Variants in CFTR observed in about 807,000 individuals in gnomAD.
The protein encoded by CFTR is cystic fibrosis transmembrane conductance regulator.
CFTR carries 181 observed loss-of-function variants against 171.6 expected under a neutral mutation model. That is an observed-to-expected ratio of 1.05 (90% CI 0.93 to 1.19). The LOEUF (loss-of-function observed/expected upper bound fraction) is 1.19, where lower values mean the gene tolerates loss of function less well. Among genes scored for constraint, CFTR ranks in the 50% most tolerant of loss-of-function variants. The pLI, the probability that CFTR is intolerant of heterozygous loss-of-function variation, is 0.00. For synonymous variants in CFTR, 583 were observed against 608.0 expected (o/e 0.96, Z 0.60); for missense variants, 1,968 against 1,734.7 (o/e 1.13, Z -2.39).
At chr7:117,627,823 C>A in intron 22 of CFTR, 53 bp downstream of exon 22, 1 of 1,579,664 alleles carries the variant, frequency 6.3e-7, no homozygotes, top group East Asian at 2.2e-5. Context: ...AAGTGAATCC[C>A]AGTAGCCTGA....
chr7:117,576,473 C>A (rs979534114), intron 11 of CFTR, among the ~76,000 whole-genome samples: 1 of 152,060 alleles, frequency 6.6e-6, no homozygotes, highest in Non-Finnish European at 1.5e-5. Context: ...ATATAAGGGT[C>A]TTGAGCATTC....
At chr7:117,500,105 A>T (rs2116629255) in intron 1 of CFTR, among the ~76,000 whole-genome samples, 1 of 152,224 alleles carries the variant, frequency 6.6e-6, no homozygotes, top group South Asian at 2.1e-4. Flanking sequence ...GCATTTAAAC[A>T]TTCTAGGTTT....
intron 3 of CFTR, among the ~76,000 whole-genome samples, chr7:117,515,465 T>C (rs1340277695): frequency 6.6e-6 from 1 of 152,162 alleles, no homozygotes. Flanking sequence ...TGGTTGTAGA[T>C]GTGTGGTGTT....
At chr7:117,611,902 CT>C in intron 20 of CFTR, 94 bp downstream of exon 20, 1 of 804,910 alleles carries the variant, frequency 1.2e-6, no homozygotes, top group Non-Finnish European at 2.0e-6. Flanking sequence ...TTTTTGATAT[CT>C]TTAGAGTTTA....
intron 1 of CFTR, among the ~76,000 whole-genome samples, chr7:117,499,429 CTGTGTG>C (rs56985019): frequency 1.5e-4 from 20 of 135,924 alleles, no homozygotes; most frequent in Admixed American, 8.4e-4. Context: ...ATAGTTTCAT[CTGTGTG>C]TGTGTGTGTG....
chr7:117,642,467 G>C lies in CFTR; in HGVS notation c.3747G>C (p.Gly1249=), dbSNP rs794727373. ...GCCTCTTGGGAAGAACTGGATCAGGGAAGAGTACTTTGTTATCAGCTTTTT... is the reference window on the plus strand; with the variant it reads ...GCCTCTTGGGAAGAACTGGATCAGGCAAGAGTACTTTGTTATCAGCTTTTT... ...RVGLLGRTGS[G]KSTLLSAFLR... is the part of the protein sequence containing the mutation. Residue 1249 remains glycine (G), a synonymous_variant, in exon 23 of 27, where the codon GGG becomes GGC. Coordinates refer to ENST00000003084, the MANE Select transcript of CFTR (RefSeq NM_000492.4). 6.2e-7 allele frequency: 1 copy of C among 1,613,550 alleles called. No homozygotes were observed. The highest frequency in any genetic ancestry group is 8.5e-7 in the Non-Finnish European group (1 of 1,179,698).
intron 1 of CFTR, among the ~76,000 whole-genome samples, chr7:117,483,778 T>G (rs907443026): frequency 6.6e-6 from 1 of 152,100 alleles, no homozygotes; most frequent in Non-Finnish European, 1.5e-5. Context: ...CTCACTATGT[T>G]GCCCAGGCTG....
rs2116222791 is a variant in CFTR, at chr7:117,665,516, T to C, written c.4194T>C (p.Ile1398=). The change falls in exon 26 of 27, where the codon ATT becomes ATC. Residue 1398 remains isoleucine, a synonymous_variant. Coordinates refer to ENST00000003084, the MANE Select transcript of CFTR (RefSeq NM_000492.4). Reference sequence around the variant, plus strand: ...AAGCATTTGCTGATTGCACAGTAATTCTCTGTGAACACAGGATAGAAGCAA... The same window carrying C: ...AAGCATTTGCTGATTGCACAGTAATCCTCTGTGAACACAGGATAGAAGCAA... The part of the protein sequence containing the change: ...LKQAFADCTV[I]LCEHRIEAML... 1 of 1,613,474 alleles carries C rather than the reference T, an allele frequency of 6.2e-7. No homozygotes were observed. Among genetic ancestry groups the C allele is most frequent in the Non-Finnish European group, 8.5e-7 (1 of 1,179,542 alleles).
intron 24 of CFTR, among the ~76,000 whole-genome samples, chr7:117,664,040 CT>C (rs1793328386): frequency 6.6e-6 from 1 of 152,124 alleles, no homozygotes. Flanking sequence ...TGTTGTACCA[CT>C]ATTTTAACTC....
chr7:117,551,950 A>G (rs1314166095), intron 10 of CFTR, among the ~76,000 whole-genome samples: 1 of 152,170 alleles, frequency 6.6e-6, no homozygotes, highest in African/African-American at 2.4e-5. Context: ...TCATATGTAT[A>G]GAATAAGCTA....
At chr7:117,589,484 C>CA (rs1461491369) in intron 12 of CFTR, among the ~76,000 whole-genome samples, 1 of 151,962 alleles carries the variant, frequency 6.6e-6, no homozygotes, top group Non-Finnish European at 1.5e-5. Context: ...AGGTTACTAT[C>CA]AATCACACCT....
intron 11 of CFTR, among the ~76,000 whole-genome samples, chr7:117,573,333 C>A (rs1333944635): frequency 6.6e-6 from 1 of 152,136 alleles, no homozygotes; most frequent in Non-Finnish European, 1.5e-5. Context: ...CTTTGACCCT[C>A]TCTAGTACTC....
intron 18 of CFTR, among the ~76,000 whole-genome samples, chr7:117,608,980 T>G (rs1466307013): frequency 6.6e-6 from 1 of 152,200 alleles, no homozygotes; most frequent in Non-Finnish European, 1.5e-5. Context: ...ACAATATTGT[T>G]CACCATGGGT....
In CFTR at chr7:117,587,748, A is replaced by T. The variant is rs35032490; in HGVS notation, c.1594A>T (p.Lys532Ter). ...CTATTTTTGGTAATAGGACATCTCC[A>T]AGTTTGCAGAGAAAGACAATATAGT... ...KACQLEEDIS[K>*]FAEKDNIVLG... The change falls in exon 12 of 27, where the codon AAG (lysine) becomes TAG (stop). Residue 532 changes from lysine (K) to a stop codon, truncating the protein, a stop_gained. Coordinates refer to ENST00000003084, the MANE Select transcript of CFTR (RefSeq NM_000492.4). LOFTEE classifies it high-confidence loss of function. 1 of 1,605,428 alleles carries T rather than the reference A, an allele frequency of 6.2e-7. No homozygotes were observed. The highest frequency in any genetic ancestry group is 8.5e-7 in the Non-Finnish European group (1 of 1,172,474).
Position 117,598,771 on chromosome 7 carries a change from T to A in CFTR, c.2619+3713T>A, listed in dbSNP as rs142015402. ...GGGTGTAAATTCTAACTCTGTTCTA[T>A]TAACACCATGAAACTGAGCAAGTTA... On this transcript the variant is annotated intron_variant, in intron 15 of 26. Coordinates refer to ENST00000003084, the MANE Select transcript of CFTR (RefSeq NM_000492.4). Among the ~76,000 whole-genome samples, 42 of 152,318 alleles carry A rather than the reference T, an allele frequency of 2.8e-4. No individual in the cohort carries two copies. The East Asian group carries it at 7.1e-3, about 26-fold the overall frequency.
At chr7:117,481,569 G>T (rs1428476718) in intron 1 of CFTR, among the ~76,000 whole-genome samples, 2 of 152,096 alleles carry the variant, frequency 1.3e-5, no homozygotes, top group African/African-American at 4.8e-5. Context: ...GTTAAAAAAT[G>T]CTATCAGGCT....
chr7:117,579,127 G>A (rs35783977), intron 11 of CFTR, among the ~76,000 whole-genome samples: 5,682 of 151,768 alleles, frequency 0.037, 147 homozygotes, highest in African/African-American at 0.046. Flanking sequence ...GTAGCAAACC[G>A]TAAAATATTT....
chr7:117,664,960 G>A (rs898617498), intron 25 of CFTR, 100 bp downstream of exon 25: 19 of 1,261,554 alleles, frequency 1.5e-5, no homozygotes, highest in Middle Eastern at 2.4e-4. Flanking sequence ...TCATGTCTGC[G>A]TGTGGGGGTC....
chr7:117,499,551 A>C (rs1356561784), intron 1 of CFTR, among the ~76,000 whole-genome samples: 1 of 145,364 alleles, frequency 6.9e-6, no homozygotes, highest in Non-Finnish European at 1.5e-5. Flanking sequence ...AGGATGCTAG[A>C]CTTTTTTTTC....
Sources: gnomAD v4.1 joint callset for allele counts (sites outside exome capture counted in the v4.1 genomes callset) on GRCh38, gnomAD v4.1.1 for gene constraint, MANE v1.5 for transcripts, NCBI Gene and HGNC (gene_info 2026-07-23, HGNC 2026-07-21) for gene names.